KCNV2: variants seen among roughly 807,000 people sequenced by gnomAD.
KCNV2 encodes the protein potassium voltage-gated channel modifier subfamily V member 2.
A neutral mutation model predicts 37.0 loss-of-function variants in KCNV2; 65 were observed. The observed-to-expected ratio is 1.76, with a 90% confidence interval of 1.44 to 2.16. The LOEUF (loss-of-function observed/expected upper bound fraction) is 2.16, where lower values mean the gene tolerates loss of function less well. Among genes scored for constraint, KCNV2 ranks in the 30% most tolerant of loss-of-function variants. KCNV2 has a pLI of 0.00. For missense variants in KCNV2, 1,232 were observed against 766.7 expected (o/e 1.61, Z -7.17); for synonymous variants, 518 against 328.6 (o/e 1.58, Z -6.23).
At position 2,729,460 on chromosome 9, in the gene KCNV2, C is replaced by A; in HGVS notation, c.1371C>A (p.Thr457=). The part of the protein sequence containing the change: ...SWWWAAVSIS[T]VGYGDMYPET... ...TTCCTCTACAGGTGAGCATCTCCAC[C>A]GTGGGCTACGGAGACATGTACCCAG... Residue 457 remains threonine (T), a synonymous_variant, in exon 2 of 2, where the codon ACC becomes ACA. Coordinates refer to ENST00000382082, the MANE Select transcript of KCNV2 (RefSeq NM_133497.4). 1 of 1,613,734 alleles carries A rather than the reference C, an allele frequency of 6.2e-7. No homozygotes were observed. The highest frequency in any genetic ancestry group is 8.5e-7 in the Non-Finnish European group (1 of 1,179,982).
chr9:2,717,929 G>A lies in KCNV2; in HGVS notation c.190G>A (p.Glu64Lys), dbSNP rs146541413. ...CGAGGAAGACGAAGACGGCGAGGAG[G>A]AGGACCAGTGGAAGGACGACCTGGC... ...YIEEDEDGEE[E>K]DQWKDDLAEE... Residue 64 changes from glutamate to lysine, a missense_variant, in exon 1 of 2, where the codon GAG becomes AAG. Glu to Lys is a moderately conservative substitution (Grantham distance 56, BLOSUM62 1). Coordinates refer to ENST00000382082, the MANE Select transcript of KCNV2 (RefSeq NM_133497.4). 2.0e-5 allele frequency: 33 copies of A among 1,614,182 alleles called. No individual in the cohort carries two copies. Among genetic ancestry groups the A allele is most frequent in the Non-Finnish European group, 2.8e-5 (33 of 1,180,032 alleles).
intron 1 of KCNV2, among the ~76,000 whole-genome samples, chr9:2,724,663 C>CA (rs1171397651): frequency 5.3e-5 from 8 of 152,130 alleles, no homozygotes; most frequent in African/African-American, 1.9e-4. Context: ...CCAGGAATGC[C>CA]AAAAAATGCC....
chr9:2,718,071 A>G lies in KCNV2; in HGVS notation c.332A>G (p.Asp111Gly). 6.2e-7 allele frequency: 1 copy of G among 1,604,672 alleles called. No homozygotes were observed. The highest frequency in any genetic ancestry group is 1.1e-5 in the South Asian group (1 of 90,096). ...GTGGGTGGCCACAGCTACCAGCTGG[A>G]CTACTGCGAGCTGGCCGGCTTCCCC... The part of the protein sequence containing the change: ...VNVGGHSYQL[D>G]YCELAGFPKT... The change falls in exon 1 of 2, where the codon GAC becomes GGC. Residue 111 changes from aspartate (D) to glycine (G), a missense_variant. By Grantham distance (94) the Asp-to-Gly change is moderately conservative (BLOSUM62 -1). Transcript: ENST00000382082.
At chr9:2,727,305 G>T (rs1489792075) in intron 1 of KCNV2, among the ~76,000 whole-genome samples, 1 of 136,354 alleles carries the variant, frequency 7.3e-6, no homozygotes, top group Admixed American at 7.6e-5. Flanking sequence ...AGGGGGGAGG[G>T]GTAGCATTTG....
At chr9:2,728,898 A>G (rs1045897834) in intron 1 of KCNV2, among the ~76,000 whole-genome samples, 1 of 150,338 alleles carries the variant, frequency 6.7e-6, no homozygotes, top group Non-Finnish European at 1.5e-5. Flanking sequence ...AAAAAAAAAG[A>G]AAAAAAGAAA....
At chr9:2,720,874 G>T (rs531500261) in intron 1 of KCNV2, among the ~76,000 whole-genome samples, 7 of 152,142 alleles carry the variant, frequency 4.6e-5, no homozygotes, top group African/African-American at 1.7e-4. Context: ...AACACATAAA[G>T]AATAATGTTA....
intron 1 of KCNV2, among the ~76,000 whole-genome samples, chr9:2,725,779 T>C (rs1299440050): frequency 2.0e-5 from 3 of 152,184 alleles, no homozygotes; most frequent in African/African-American, 7.2e-5. Context: ...GGTGCCAAGA[T>C]TGATTCCATT....
intron 1 of KCNV2, among the ~76,000 whole-genome samples, chr9:2,727,296 G>A (rs997500124): frequency 6.8e-6 from 1 of 147,606 alleles, no homozygotes; most frequent in African/African-American, 2.5e-5. Flanking sequence ...GGGTGGGGGA[G>A]GGGGGAGGGG....
chr9:2,726,950 G>A (rs76542574), intron 1 of KCNV2, among the ~76,000 whole-genome samples: 12 of 152,116 alleles, frequency 7.9e-5, no homozygotes, highest in East Asian at 5.8e-4. Flanking sequence ...GTTTCATCCC[G>A]AAACCATCCC....
chr9:2,724,487 G>A (rs1017997281), intron 1 of KCNV2, among the ~76,000 whole-genome samples: 14 of 152,220 alleles, frequency 9.2e-5, no homozygotes, highest in Admixed American at 3.3e-4. Flanking sequence ...AGCAGAAAGA[G>A]AAAACTGAGA....
In KCNV2 at chr9:2,719,087, T is replaced by TG; in HGVS notation, c.1351dup (p.Ala451GlyfsTer48). The TG allele has an allele frequency of 6.2e-7, 1 of 1,609,612 alleles. No individual in the cohort carries two copies. The highest frequency in any genetic ancestry group is 8.5e-7 in the Non-Finnish European group (1 of 1,179,986). ...CACTACCATCCCCCACTCCTGGTGG[T>TG]GGGCCGCGGTGAGTACCTTTGCCCT... On this transcript the variant is annotated frameshift_variant, in exon 1 of 2. Coordinates refer to ENST00000382082, the MANE Select transcript of KCNV2 (RefSeq NM_133497.4). LOFTEE classifies it high-confidence loss of function.
rs377129306 is a variant in KCNV2 at position 2,718,838 on chromosome 9, G to A, written c.1099G>A (p.Gly367Ser). 6.2e-7 allele frequency: 1 copy of A among 1,609,534 alleles called. No homozygotes were observed. Among genetic ancestry groups the A allele is most frequent in the Non-Finnish European group, 8.5e-7 (1 of 1,179,930 alleles). Reference protein sequence around the residue: ...GEGHQRGQTVGSVGKVGQVLR... With the variant: ...GEGHQRGQTVSSVGKVGQVLR... Reference sequence around the variant, plus strand: ...GGGCCACCAACGCGGCCAGACGGTGGGCAGCGTGGGTAAGGTGGGTCAGGT... The same window carrying A: ...GGGCCACCAACGCGGCCAGACGGTGAGCAGCGTGGGTAAGGTGGGTCAGGT... The change falls in exon 1 of 2, where the codon GGC becomes AGC. Residue 367 changes from glycine (G) to serine (S), a missense_variant. Physicochemically the swap from Gly to Ser is moderately conservative, Grantham distance 56. Transcript: ENST00000382082.
chr9:2,718,394 G>T lies in KCNV2; in HGVS notation c.655G>T (p.Glu219Ter), dbSNP rs754754580. The change falls in exon 1 of 2, where the codon GAG (glutamate) becomes TAG (stop). Residue 219 changes from glutamate (E) to a stop codon, truncating the protein, a stop_gained. Coordinates refer to ENST00000382082, the MANE Select transcript of KCNV2 (RefSeq NM_133497.4). LOFTEE classifies it high-confidence loss of function. ...ELSERLKIQHELRAQAQVEEA... is the reference protein window; with the variant it reads ...ELSERLKIQH The stretch of plus-strand genomic sequence containing the variant: ...GAGCGAACGGCTCAAGATCCAGCAC[G>T]AGCTGCGCGCGCAGGCGCAGGTCGA... The T allele has an allele frequency of 1.2e-6, 2 of 1,601,356 alleles. No individual in the cohort carries two copies. Among genetic ancestry groups the T allele is most frequent in the African/African-American group, 1.3e-5 (1 of 74,828 alleles).
intron 1 of KCNV2, among the ~76,000 whole-genome samples, chr9:2,723,218 T>C (rs1323901201): frequency 1.3e-5 from 2 of 152,238 alleles, no homozygotes; most frequent in Non-Finnish European, 2.9e-5. Context: ...AAAAATATAA[T>C]TGGCATTTTA....
Position 2,718,395 on chromosome 9 carries a change from A to T in KCNV2, c.656A>T (p.Glu219Val), listed in dbSNP as rs778833627. The change falls in exon 1 of 2, where the codon GAG becomes GTG. Residue 219 changes from glutamate (E) to valine (V), a missense_variant. Glu to Val is a moderately radical substitution (Grantham distance 121). Transcript: ENST00000382082. ...ELSERLKIQH[E>V]LRAQAQVEEA... The stretch of plus-strand genomic sequence containing the variant: ...AGCGAACGGCTCAAGATCCAGCACG[A>T]GCTGCGCGCGCAGGCGCAGGTCGAG... 6.2e-7 allele frequency: 1 copy of T among 1,601,898 alleles called. No individual in the cohort carries two copies. Among genetic ancestry groups the T allele is most frequent in the South Asian group, 1.1e-5 (1 of 89,712 alleles).
At position 2,718,608 on chromosome 9, in the gene KCNV2, G is replaced by A. The variant is rs1246524378; in HGVS notation, c.869G>A (p.Gly290Glu). The change falls in exon 1 of 2, where the codon GGG (glycine) becomes GAG (glutamate). Residue 290 changes from glycine to glutamate, a missense_variant. Coordinates refer to ENST00000382082, the MANE Select transcript of KCNV2 (RefSeq NM_133497.4). ...GTGGAGGAGATGCAGCAGCACTCGG[G>A]GCAGGGCGAGGGCGGCCCAGACCTG... ...NTVEEMQQHS[G>E]QGEGGPDLRP... 3.7e-6 allele frequency: 6 copies of A among 1,612,970 alleles called. No homozygotes were observed. Among genetic ancestry groups the A allele is most frequent in the Non-Finnish European group, 4.2e-6 (5 of 1,179,830 alleles).
At chr9:2,726,000 C>T (rs10967755) in intron 1 of KCNV2, among the ~76,000 whole-genome samples, 8,132 of 152,244 alleles carry the variant, frequency 0.053, 752 homozygotes, top group African/African-American at 0.19. Context: ...AATGGTTAAG[C>T]TTCCAGTTTG....
intron 1 of KCNV2, among the ~76,000 whole-genome samples, chr9:2,724,707 G>A (rs556910384): frequency 1.3e-5 from 2 of 152,216 alleles, no homozygotes; most frequent in Non-Finnish European, 2.9e-5. Flanking sequence ...TTGGAGGAAT[G>A]AAGGCAGAAA....
At position 2,718,990 on chromosome 9, in the gene KCNV2, C is replaced by G; in HGVS notation, c.1251C>G (p.Phe417Leu). Residue 417 changes from phenylalanine (F) to leucine (L), a missense_variant, in exon 1 of 2, where the codon TTC becomes TTG. Phe to Leu is a conservative substitution (Grantham distance 22). Coordinates refer to ENST00000382082, the MANE Select transcript of KCNV2 (RefSeq NM_133497.4). ...CYQQVGCLLLFIAMGIFTFSA... is the reference protein window; with the variant it reads ...CYQQVGCLLLLIAMGIFTFSA... ...AGCAGGTGGGCTGCCTGCTGCTCTT[C>G]ATCGCCATGGGCATCTTCACTTTCT... The G allele has an allele frequency of 6.2e-7, 1 of 1,612,296 alleles. No individual in the cohort carries two copies. The highest frequency in any genetic ancestry group is 8.5e-7 in the Non-Finnish European group (1 of 1,180,036).
Sources: allele counts gnomAD v4.1 joint callset (sites outside exome capture counted in the v4.1 genomes callset), GRCh38; gene constraint gnomAD v4.1.1; transcripts MANE v1.5; gene names NCBI Gene and HGNC (gene_info 2026-07-23, HGNC 2026-07-21).